Variants in CCSER1 observed in about 807,000 individuals in gnomAD.
CCSER1 encodes serine-rich coiled-coil domain-containing protein 1.
A neutral mutation model predicts 82.0 loss-of-function variants in CCSER1; 41 were observed. The ratio of observed to expected loss-of-function variants is 0.50; its 90% CI spans 0.39 to 0.65. The LOEUF (loss-of-function observed/expected upper bound fraction) is 0.65, where lower values mean the gene tolerates loss of function less well. Ranked by LOEUF, CCSER1 falls within the 30% of genes least tolerant of loss-of-function variation. The pLI is 0.00. For synonymous variants in CCSER1, 414 were observed against 383.9 expected, an observed-to-expected ratio of 1.08 and a Z score of -0.92; for missense variants, 1,119 against 1,064.2, an observed-to-expected ratio of 1.05 and a Z score of -0.72.
intron 8 of CCSER1, among the ~76,000 whole-genome samples, chr4:90,900,162 C>T (rs1580995025): frequency 7.8e-6 from 1 of 129,030 alleles, no homozygotes; most frequent in African/African-American, 2.8e-5. Flanking sequence ...TTGGTAGGCT[C>T]AGAGTTTCAG....
chr4:91,006,403 G>A (rs1467490014), intron 9 of CCSER1, among the ~76,000 whole-genome samples: 8 of 151,010 alleles, frequency 5.3e-5, no homozygotes, highest in Non-Finnish European at 8.8e-5. Flanking sequence ...ATTATTTAGG[G>A]ATTTCTATAT....
chr4:91,251,624 A>G (rs901574991), intron 10 of CCSER1, among the ~76,000 whole-genome samples: 6 of 152,188 alleles, frequency 3.9e-5, no homozygotes, highest in Admixed American at 2.0e-4. Context: ...ATAACAGTTT[A>G]GTAATATTTG....
chr4:91,474,722 G>T (rs1268570733), intron 10 of CCSER1, among the ~76,000 whole-genome samples: 1 of 145,880 alleles, frequency 6.9e-6, no homozygotes, highest in African/African-American at 2.5e-5. Context: ...GCTAAATTTA[G>T]GCACACATGT....
At chr4:90,849,460 A>G (rs1001415979) in intron 8 of CCSER1, among the ~76,000 whole-genome samples, 1 of 152,100 alleles carries the variant, frequency 6.6e-6, no homozygotes, top group African/African-American at 2.4e-5. Context: ...GAGAGCATAA[A>G]TGTTGGGAAA....
chr4:91,370,706 A>G (rs1486068070), intron 10 of CCSER1, among the ~76,000 whole-genome samples: 2 of 152,032 alleles, frequency 1.3e-5, no homozygotes, highest in African/African-American at 4.8e-5. Flanking sequence ...AAAAAAAAAA[A>G]AATTGTTTTA....
At chr4:90,345,367 G>A (rs1412807938) in intron 3 of CCSER1, among the ~76,000 whole-genome samples, 1 of 152,020 alleles carries the variant, frequency 6.6e-6, no homozygotes, top group African/African-American at 2.4e-5. Context: ...TTAAGAAAAA[G>A]TTATCATTTG....
intron 9 of CCSER1, among the ~76,000 whole-genome samples, chr4:91,006,521 G>A (rs187678731): frequency 5.5e-5 from 8 of 146,462 alleles, no homozygotes; most frequent in South Asian, 2.1e-4. Flanking sequence ...ACGGAGTCTC[G>A]CTCTGTCACC....
At chr4:90,555,186 ATAG>A (rs1777982763) in intron 5 of CCSER1, among the ~76,000 whole-genome samples, 1 of 152,166 alleles carries the variant, frequency 6.6e-6, no homozygotes, top group Non-Finnish European at 1.5e-5. Context: ...AGAAAACTAC[ATAG>A]TAGCATTTAC....
At chr4:91,140,787 GTCTTT>G (rs1432192731) in intron 10 of CCSER1, among the ~76,000 whole-genome samples, 1 of 152,090 alleles carries the variant, frequency 6.6e-6, no homozygotes, top group African/African-American at 2.4e-5. Flanking sequence ...CAGTTTTCTT[GTCTTT>G]TCTTTTATTA....
At chr4:90,291,561 C>T (rs868258178) in intron 1 of CCSER1, among the ~76,000 whole-genome samples, 1 of 151,854 alleles carries the variant, frequency 6.6e-6, no homozygotes, top group Admixed American at 6.6e-5. Flanking sequence ...TTAGTCATTC[C>T]TGATAGTGAT....
At chr4:90,655,324 A>T (rs987784871) in intron 6 of CCSER1, among the ~76,000 whole-genome samples, 5 of 152,040 alleles carry the variant, frequency 3.3e-5, no homozygotes, top group Admixed American at 2.0e-4. Context: ...GATTTTTATT[A>T]AAAAATTTCT....
chr4:91,505,521 C>G (rs946714936), intron 10 of CCSER1, among the ~76,000 whole-genome samples: 5 of 152,212 alleles, frequency 3.3e-5, no homozygotes, highest in African/African-American at 1.2e-4. Flanking sequence ...AATTACCACA[C>G]TATCTTTCAA....
chr4:91,084,883 C>T (rs1723204573), intron 9 of CCSER1, among the ~76,000 whole-genome samples: 1 of 151,838 alleles, frequency 6.6e-6, no homozygotes, highest in African/African-American at 2.4e-5. Flanking sequence ...GAAGAGATAA[C>T]ATGTTTGAAA....
intron 1 of CCSER1, among the ~76,000 whole-genome samples, chr4:90,304,314 CTG>C (rs978477290): frequency 6.6e-6 from 1 of 152,172 alleles, no homozygotes; most frequent in African/African-American, 2.4e-5. Context: ...ACCCAAAGGA[CTG>C]TAAATCATGC....
intron 10 of CCSER1, among the ~76,000 whole-genome samples, chr4:91,441,650 G>A (rs1325769747): frequency 6.6e-6 from 1 of 152,138 alleles, no homozygotes; most frequent in Non-Finnish European, 1.5e-5. Context: ...GAAATAAAGG[G>A]TATTCAATTA....
At chr4:90,870,457 T>C (rs932961850) in intron 8 of CCSER1, among the ~76,000 whole-genome samples, 1 of 151,802 alleles carries the variant, frequency 6.6e-6, no homozygotes, top group African/African-American at 2.4e-5. Context: ...ATGATCACGA[T>C]TTTGTCCTTC....
chr4:90,795,118 A>G (rs57853898), intron 7 of CCSER1, among the ~76,000 whole-genome samples: 52,716 of 151,694 alleles, frequency 0.35, 9,509 homozygotes, highest in African/African-American at 0.46. Context: ...GTGAAACCCC[A>G]TCTCTACTAA....
At chr4:90,876,578 C>T (rs1482733097) in intron 8 of CCSER1, among the ~76,000 whole-genome samples, 1 of 152,116 alleles carries the variant, frequency 6.6e-6, no homozygotes, top group Non-Finnish European at 1.5e-5. Context: ...CTCACAACAT[C>T]TAACTAATCA....
At chr4:90,484,222 T>A (rs1379698390) in intron 5 of CCSER1, among the ~76,000 whole-genome samples, 1 of 152,240 alleles carries the variant, frequency 6.6e-6, no homozygotes, top group African/African-American at 2.4e-5. Context: ...TTTGGCTCCA[T>A]GAGGTCCTTT....
Sources: allele counts gnomAD v4.1 joint callset (sites outside exome capture counted in the v4.1 genomes callset), GRCh38; gene constraint gnomAD v4.1.1; transcripts MANE v1.5; gene names NCBI Gene and HGNC (gene_info 2026-07-23, HGNC 2026-07-21).